ZWILCH: variants seen among roughly 807,000 people sequenced by gnomAD.
The protein encoded by ZWILCH is protein zwilch homolog.
Under a neutral mutation model 79.9 loss-of-function variants are expected in ZWILCH, and 74 were observed. That is an observed-to-expected ratio of 0.93 (90% CI 0.77 to 1.12). The LOEUF (loss-of-function observed/expected upper bound fraction) is 1.12, where lower values mean the gene tolerates loss of function less well. ZWILCH is among the 50% of genes most tolerant of loss of function. The pLI is 0.00. For synonymous variants in ZWILCH, 241 were observed against 228.2 expected (o/e 1.06, Z -0.51); for missense variants, 694 against 687.5 (o/e 1.01, Z -0.11).
intron 17 of ZWILCH, among the ~76,000 whole-genome samples, chr15:66,541,333 T>G (rs11853245): frequency 0.069 from 10,519 of 152,134 alleles, 425 homozygotes; most frequent in Middle Eastern, 0.11. Context: ...AAACTATCAT[T>G]ATTTTTATGC....
At chr15:66,532,470 G>A (rs1183698768) in intron 13 of ZWILCH, 67 bp downstream of exon 13, 2 of 1,426,726 alleles carry the variant, frequency 1.4e-6, no homozygotes, top group Admixed American at 2.3e-5. Context: ...GATATTCTCG[G>A]ATTTTCTGTT....
chr15:66,547,120 G>A (rs1330744113), intron 18 of ZWILCH: 1 of 148,446 alleles, frequency 6.7e-6, no homozygotes, highest in Non-Finnish European at 1.5e-5. Flanking sequence ...AGCCCCAGAT[G>A]TAAATACTCT....
intron 17 of ZWILCH, among the ~76,000 whole-genome samples, chr15:66,542,024 C>T (rs1426860789): frequency 6.6e-6 from 1 of 152,088 alleles, no homozygotes; most frequent in Non-Finnish European, 1.5e-5. Flanking sequence ...TTCTGAGAGC[C>T]ATCAGTTAAA....
chr15:66,546,925 CAGAGA>C, intron 18 of ZWILCH: 1 of 205,234 alleles, frequency 4.9e-6, no homozygotes, highest in Non-Finnish European at 9.7e-6. Flanking sequence ...ATCCTAAAAC[CAGAGA>C]AATAAAAAAA....
intron 1 of ZWILCH, 195 bp from the exon 2 acceptor site, chr15:66,508,645 CT>C: frequency 8.7e-7 from 1 of 1,145,608 alleles, no homozygotes; most frequent in African/African-American, 1.6e-5. Context: ...TTTTTTGGTT[CT>C]CTTTTCTTCT....
At chr15:66,516,688 G>T (rs138046008) in intron 4 of ZWILCH, among the ~76,000 whole-genome samples, 1,791 of 152,044 alleles carry the variant, frequency 0.012, 64 homozygotes, top group East Asian at 0.074. Flanking sequence ...TGTATTTTTA[G>T]TAGAAACGGG....
chr15:66,519,135 T>C (rs1437201959), intron 5 of ZWILCH, 57 bp downstream of exon 5: 2 of 1,550,652 alleles, frequency 1.3e-6, no homozygotes, highest in African/African-American at 2.7e-5. Context: ...ATAGTTATTG[T>C]TTCATGTTTT....
Position 66,527,347 on chromosome 15 carries a change from A to G in ZWILCH, c.877A>G (p.Lys293Glu). 1 of 1,614,078 alleles carries G rather than the reference A, an allele frequency of 6.2e-7. No individual in the cohort carries two copies. Among genetic ancestry groups the G allele is most frequent in the Non-Finnish European group, 8.5e-7 (1 of 1,179,986 alleles). The change falls in exon 9 of 19, where the codon AAA becomes GAA. Residue 293 changes from lysine to glutamate, a missense_variant. Lys to Glu is a moderately conservative substitution (Grantham distance 56). Coordinates refer to ENST00000307897, the MANE Select transcript of ZWILCH (RefSeq NM_017975.5). ...TGAATGGCTCGAGCCCCTGGAAGCA[A>G]AATCTGCTGTTGAACTTGTTCAGGA... ...VTEWLEPLEAKSAVELVQEFL... is the reference protein window; with the variant it reads ...VTEWLEPLEAESAVELVQEFL...
At chr15:66,520,341 G>A (rs769081475) in intron 5 of ZWILCH, among the ~76,000 whole-genome samples, 7 of 151,880 alleles carry the variant, frequency 4.6e-5, no homozygotes, top group East Asian at 1.9e-4. Context: ...GGCTGGTCTC[G>A]AACTCCTGGG....
intron 6 of ZWILCH, 116 bp from the exon 7 acceptor site, chr15:66,520,934 A>T: frequency 1.7e-6 from 2 of 1,154,822 alleles, no homozygotes; most frequent in Non-Finnish European, 2.5e-6. Flanking sequence ...TATATCCCAA[A>T]AGTATGGCGT....
Position 66,509,818 on chromosome 15 carries a change from G to T in ZWILCH, c.105+926G>T, listed in dbSNP as rs940451968. Reference sequence around the variant, plus strand: ...ATATCTATAATTATGTGTGTGTGTGGCTACATATATATATATATATATATA... The same window carrying T: ...ATATCTATAATTATGTGTGTGTGTGTCTACATATATATATATATATATATA... On this transcript the variant is annotated intron_variant, in intron 2 of 18. Transcript: ENST00000307897. Among the ~76,000 whole-genome samples the T allele has an allele frequency of 3.2e-3, 240 of 74,732 alleles. 2 individuals carry two copies. The highest frequency in any genetic ancestry group is 5.4e-3 in the Admixed American group (35 of 6,466). The allele number at this position is 74,732 out of a possible 152,430, so 49.0% of individuals were successfully genotyped here. A position where few individuals can be genotyped will look rare whatever the true frequency, so the allele number is the denominator to read the frequency against.
chr15:66,509,824 T>C (rs1320269953), intron 2 of ZWILCH, among the ~76,000 whole-genome samples: 1 of 1,160 alleles, frequency 8.6e-4, no homozygotes, highest in African/African-American at 1.5e-3. Context: ...TGTGGCTACA[T>C]ATATATATAT....
chr15:66,546,798 A>G, intron 18 of ZWILCH, 93 bp downstream of exon 18: 2 of 560,918 alleles, frequency 3.6e-6, no homozygotes, highest in Non-Finnish European at 5.8e-6. Flanking sequence ...TCGATTTGCT[A>G]CATTAGGAAT....
At chr15:66,508,795 G>A (rs1421089613) in intron 1 of ZWILCH, 46 bp from the exon 2 acceptor site, 2 of 1,611,624 alleles carry the variant, frequency 1.2e-6, no homozygotes, top group Non-Finnish European at 8.5e-7. Flanking sequence ...TGAATAACGG[G>A]AGAGATAATG....
At chr15:66,531,550 T>A (rs1457031217) in intron 12 of ZWILCH, among the ~76,000 whole-genome samples, 5 of 152,098 alleles carry the variant, frequency 3.3e-5, no homozygotes, top group Admixed American at 1.3e-4. Flanking sequence ...AGCCTCTGCC[T>A]CCCAGGCTCA....
At chr15:66,524,620 A>T (rs1894611079) in intron 8 of ZWILCH, 2 of 152,158 alleles carry the variant, frequency 1.3e-5, no homozygotes, top group African/African-American at 4.8e-5. Context: ...AACTCCACAC[A>T]TACCTCTTGT....
intron 2 of ZWILCH, among the ~76,000 whole-genome samples, chr15:66,512,581 A>C (rs957616800): frequency 2.0e-5 from 3 of 151,902 alleles, no homozygotes; most frequent in Non-Finnish European, 4.4e-5. Context: ...ATATGCTTGG[A>C]AAAGGAACGT....
Position 66,518,989 on chromosome 15 carries a change from A to G in ZWILCH, c.431A>G (p.Asp144Gly). The G allele has an allele frequency of 6.2e-7, 1 of 1,614,196 alleles. No homozygotes were observed. The highest frequency in any genetic ancestry group is 8.5e-7 in the Non-Finnish European group (1 of 1,180,026). ...CTTTGGGTAAGATGTGACAGTTCAG[A>G]TCCTGAAGGTACTTGTTGGCTAGGA... ...PPLWVRCDSS[D>G]PEGTCWLGAE... Residue 144 changes from aspartate (D) to glycine (G), a missense_variant, in exon 5 of 19, where the codon GAT becomes GGT. Physicochemically the swap from Asp to Gly is moderately conservative, Grantham distance 94 (BLOSUM62 -1). Transcript: ENST00000307897.
At chr15:66,528,814 A>G in intron 10 of ZWILCH, 38 bp from the exon 11 acceptor site, 1 of 1,574,516 alleles carries the variant, frequency 6.4e-7, no homozygotes, top group Non-Finnish European at 8.7e-7. Context: ...CACTTAAAAA[A>G]AAAACTGAGT....
Sources: allele counts gnomAD v4.1 joint callset (sites outside exome capture counted in the v4.1 genomes callset), GRCh38; gene constraint gnomAD v4.1.1; transcripts MANE v1.5; gene names NCBI Gene and HGNC (gene_info 2026-07-23, HGNC 2026-07-21).